The following MAST2 variants were observed in gnomAD, a reference collection of about 807,000 sequenced individuals.
MAST2 encodes microtubule associated serine/threonine kinase 2, also known as microtubule-associated serine/threonine-protein kinase 2.
MAST2 carries 70 observed loss-of-function variants against 147.4 expected under a neutral mutation model. The observed-to-expected ratio is 0.47, with a 90% CI of 0.39 to 0.58. The LOEUF is 0.58. MAST2 is among the 20% of genes least tolerant of loss of function. The probability of loss-of-function intolerance (pLI) is 0.00; values close to 1 mark genes in which losing one functional copy is unlikely to be tolerated. For missense variants in MAST2, 2,080 were observed against 2,302.3 expected (o/e 0.90, Z 1.98); for synonymous variants, 869 against 896.8 (o/e 0.97, Z 0.55).
chr1:45,840,008 A>G (rs1331511960), intron 3 of MAST2, among the ~76,000 whole-genome samples: 1 of 152,256 alleles, frequency 6.6e-6, no homozygotes, highest in Non-Finnish European at 1.5e-5. Context: ...AGCTTAAATC[A>G]TAAAATGTGT....
intron 1 of MAST2, among the ~76,000 whole-genome samples, chr1:45,815,150 GC>G (rs1644414250): frequency 6.6e-6 from 1 of 151,314 alleles, no homozygotes; most frequent in African/African-American, 2.4e-5. Context: ...CGTTATTTCA[GC>G]AAAGCAGAAG....
At chr1:45,913,184 T>A (rs1191551185) in intron 4 of MAST2, among the ~76,000 whole-genome samples, 1 of 152,206 alleles carries the variant, frequency 6.6e-6, no homozygotes, top group Admixed American at 6.5e-5. Context: ...TTGGTCAGAT[T>A]CGGCATTTGA....
At chr1:45,869,923 G>C (rs895113647) in intron 3 of MAST2, among the ~76,000 whole-genome samples, 3 of 151,788 alleles carry the variant, frequency 2.0e-5, no homozygotes, top group Non-Finnish European at 4.4e-5. Context: ...TTGTTTGTTT[G>C]TTTGTTTGTT....
chr1:45,867,222 A>G (rs1186922041), intron 3 of MAST2, among the ~76,000 whole-genome samples: 1 of 152,252 alleles, frequency 6.6e-6, no homozygotes, highest in African/African-American at 2.4e-5. Context: ...GATTTATATA[A>G]ATAAACACAC....
At chr1:45,887,621 T>C (rs1168640649) in intron 4 of MAST2, among the ~76,000 whole-genome samples, 1 of 152,220 alleles carries the variant, frequency 6.6e-6, no homozygotes. Context: ...GACAGTGTCA[T>C]GTACTTTCCC....
intron 3 of MAST2, among the ~76,000 whole-genome samples, chr1:45,882,012 T>TAAAAAAAAAA (rs71062722): frequency 2.5e-5 from 1 of 39,832 alleles, no homozygotes; most frequent in Non-Finnish European, 4.7e-5. Context: ...CCGTCTCTAC[T>TAAAAAAAAAA]AAAAAAAAAA....
chr1:45,821,159 C>T (rs1360340225), intron 1 of MAST2, among the ~76,000 whole-genome samples: 1 of 152,030 alleles, frequency 6.6e-6, no homozygotes, highest in Non-Finnish European at 1.5e-5. Flanking sequence ...CTTGGCCTCC[C>T]AGAGTGTTGG....
At chr1:46,013,616 G>A (rs966456514) in intron 10 of MAST2, among the ~76,000 whole-genome samples, 6 of 151,818 alleles carry the variant, frequency 4.0e-5, no homozygotes, top group African/African-American at 1.5e-4. Context: ...GTAGGTGGAG[G>A]TTGCGGTGAG....
intron 3 of MAST2, among the ~76,000 whole-genome samples, chr1:45,834,982 G>T (rs1304618498): frequency 6.6e-6 from 1 of 151,068 alleles, no homozygotes; most frequent in Non-Finnish European, 1.5e-5. Context: ...TGGTAGTGTT[G>T]AGGATCAGTA....
intron 4 of MAST2, among the ~76,000 whole-genome samples, chr1:45,955,132 C>T (rs1208744702): frequency 7.0e-6 from 1 of 142,412 alleles, no homozygotes; most frequent in Non-Finnish European, 1.6e-5. Flanking sequence ...CCCCTGCCCT[C>T]ATACAGTTTA....
chr1:45,826,803 T>G (rs1307507562), intron 2 of MAST2, among the ~76,000 whole-genome samples: 1 of 152,134 alleles, frequency 6.6e-6, no homozygotes, highest in Admixed American at 6.6e-5. Context: ...TCTGTCATTA[T>G]GGCCTTTGTT....
chr1:45,854,528 A>AT (rs1018987774), intron 3 of MAST2, among the ~76,000 whole-genome samples: 8 of 151,786 alleles, frequency 5.3e-5, no homozygotes, highest in African/African-American at 1.7e-4. Context: ...GGTTTTAGTG[A>AT]TTTTTTTTCT....
At chr1:45,856,502 A>G (rs1645795237) in intron 3 of MAST2, among the ~76,000 whole-genome samples, 1 of 152,152 alleles carries the variant, frequency 6.6e-6, no homozygotes, top group Admixed American at 6.5e-5. Flanking sequence ...ATTTTTGTTT[A>G]TTTTTGTTTA....
At chr1:45,930,380 G>GT (rs1255841776) in intron 4 of MAST2, among the ~76,000 whole-genome samples, 41 of 79,202 alleles carry the variant, frequency 5.2e-4, no homozygotes, top group African/African-American at 1.3e-3. Context: ...CGCCTGGCCT[G>GT]TTTTTTGTTT....
At chr1:46,026,484 GGAA>G (rs1190887659) in intron 16 of MAST2, among the ~76,000 whole-genome samples, 3 of 152,136 alleles carry the variant, frequency 2.0e-5, no homozygotes, top group African/African-American at 7.2e-5. Flanking sequence ...AGAGAGTCTT[GGAA>G]GGGTCTGCTA....
chr1:45,979,182 A>G lies in MAST2; in HGVS notation c.593-18542A>G, dbSNP rs576849101. 5.3e-5 allele frequency among the ~76,000 whole-genome samples: 8 copies of G among 152,314 alleles called. No homozygotes were observed. In the South Asian group the frequency reaches 1.5e-3, roughly 28 times the overall value. On this transcript the variant is annotated intron_variant, in intron 5 of 28. Transcript: ENST00000361297. Reference sequence around the variant, plus strand: ...ATGTGGAGGGATTTTGGAAGATGGCATTGTTAAACCTAGATGGTGTTTACA... The same window carrying G: ...ATGTGGAGGGATTTTGGAAGATGGCGTTGTTAAACCTAGATGGTGTTTACA...
At chr1:45,942,127 G>A (rs975697938) in intron 4 of MAST2, among the ~76,000 whole-genome samples, 1 of 149,800 alleles carries the variant, frequency 6.7e-6, no homozygotes, top group Non-Finnish European at 1.5e-5. Context: ...TCACTGTCCA[G>A]CTTGATTGTA....
chr1:45,877,874 G>A (rs1039570719), intron 3 of MAST2, among the ~76,000 whole-genome samples: 1 of 152,064 alleles, frequency 6.6e-6, no homozygotes, highest in Non-Finnish European at 1.5e-5. Flanking sequence ...TCATTAAAAA[G>A]ATATTAGCTA....
chr1:45,880,155 A>G (rs1646780880), intron 3 of MAST2, among the ~76,000 whole-genome samples: 1 of 152,206 alleles, frequency 6.6e-6, no homozygotes. Flanking sequence ...GTCAAAAAAC[A>G]TGTTATAGGA....
Sources: gnomAD v4.1 joint callset for allele counts (sites outside exome capture counted in the v4.1 genomes callset) on GRCh38, gnomAD v4.1.1 for gene constraint, MANE v1.5 for transcripts, NCBI Gene and HGNC (gene_info 2026-07-23, HGNC 2026-07-21) for gene names.